FRMD4B: variants seen among roughly 807,000 people sequenced by gnomAD.
FRMD4B encodes the protein FERM domain containing 4B.
FRMD4B carries 74 observed loss-of-function variants against 141.5 expected under a neutral mutation model. That is an observed-to-expected ratio of 0.52 (90% CI 0.43 to 0.63). The LOEUF (loss-of-function observed/expected upper bound fraction) is 0.63. Ranked by LOEUF, FRMD4B falls within the 30% of genes least tolerant of loss-of-function variation. The probability of loss-of-function intolerance (pLI) is 0.00; values close to 1 mark genes in which losing one functional copy is unlikely to be tolerated. For missense variants in FRMD4B, 1,366 were observed against 1,253.4 expected (o/e 1.09, Z -1.36); for synonymous variants, 506 against 467.9 (o/e 1.08, Z -1.05).
At chr3:69,381,872 T>C (rs1489783690) in intron 1 of FRMD4B, among the ~76,000 whole-genome samples, 1 of 152,220 alleles carries the variant, frequency 6.6e-6, no homozygotes, top group Non-Finnish European at 1.5e-5. Context: ...GGCAGCTCTG[T>C]GGTCTGAGTA....
At chr3:69,254,107 T>G (rs536326014) in intron 5 of FRMD4B, among the ~76,000 whole-genome samples, 29 of 148,304 alleles carry the variant, frequency 2.0e-4, no homozygotes, top group African/African-American at 6.7e-4. Flanking sequence ...AACTCACACC[T>G]TTTTTTTTTC....
chr3:69,302,380 T>G lies in FRMD4B; in HGVS notation c.379A>C (p.Lys127Gln). Residue 127 changes from lysine to glutamine, a missense_variant, in exon 4 of 23, where the codon AAG becomes CAG. Coordinates refer to ENST00000398540, the MANE Select transcript of FRMD4B (RefSeq NM_015123.3). ...TGCAAAATGGTTGGGCCTGGTTTCT[T>G]GGGCAAATCGTGGTCAAGAACTCGG... is the stretch of plus-strand genomic sequence containing the variant. ...DHRVLDHDLP[K>Q]KPGPTILHFA... 6.2e-7 allele frequency: 1 copy of G among 1,610,002 alleles called. No homozygotes were observed. The highest frequency in any genetic ancestry group is 8.5e-7 in the Non-Finnish European group (1 of 1,177,456).
chr3:69,212,359 C>CAAAAAAAAAAAAAAAAAAAAA (rs869309749), intron 11 of FRMD4B, among the ~76,000 whole-genome samples: 18 of 25,336 alleles, frequency 7.1e-4, no homozygotes, highest in East Asian at 3.3e-3. Context: ...AACCCCGTCT[C>CAAAAAAAAAAAAAAAAAAAAA]AAAAAAAAAA....
At chr3:69,177,641 T>A (rs760484801) in intron 21 of FRMD4B, among the ~76,000 whole-genome samples, 2 of 152,142 alleles carry the variant, frequency 1.3e-5, no homozygotes, top group Non-Finnish European at 2.9e-5. Context: ...CCAAGTGAGA[T>A]CCTATCCCAA....
intron 1 of FRMD4B, among the ~76,000 whole-genome samples, chr3:69,354,385 G>C (rs2107445702): frequency 6.6e-6 from 1 of 151,898 alleles, no homozygotes; most frequent in East Asian, 1.9e-4. Context: ...TTTGTGACAG[G>C]GTATCATGCT....
At chr3:69,232,571 T>C (rs1313992553) in intron 7 of FRMD4B, among the ~76,000 whole-genome samples, 3 of 152,166 alleles carry the variant, frequency 2.0e-5, no homozygotes, top group Non-Finnish European at 1.5e-5. Context: ...TGACGGAATG[T>C]GCCAACCCCA....
At chr3:69,475,504 A>G (rs539872751) in intron 1 of FRMD4B, among the ~76,000 whole-genome samples, 1 of 151,974 alleles carries the variant, frequency 6.6e-6, no homozygotes, top group South Asian at 2.1e-4. Flanking sequence ...ATGATTTCCA[A>G]TTTCATCCAT....
rs953364078 is a variant in FRMD4B, at chr3:69,533,756, G to C, written c.-129+8450C>G. Among the ~76,000 whole-genome samples, 7 of 152,226 alleles carry C rather than the reference G, an allele frequency of 4.6e-5. No homozygotes were observed. In the East Asian group the frequency reaches 7.7e-4, roughly 17 times the overall value. ...TGCAAATCTTTCAGGCCCAAGCGCA[G>C]TACCATCCCATGCACCCCCTGCTAC... is the stretch of plus-strand genomic sequence containing the variant. On this transcript the variant is annotated intron_variant, in intron 1 of 5. Transcript: ENST00000459638.
chr3:69,254,115 T>C (rs2093478910), intron 5 of FRMD4B, among the ~76,000 whole-genome samples: 1 of 152,092 alleles, frequency 6.6e-6, no homozygotes, highest in Non-Finnish European at 1.5e-5. Flanking sequence ...CCTTTTTTTT[T>C]TCTTTTTTAG....
Position 69,250,274 on chromosome 3 carries a change from G to A in FRMD4B, c.502-175C>T, listed in dbSNP as rs2093454172. On this transcript the variant is annotated intron_variant, in intron 5 of 22. Transcript: ENST00000398540. ...GGAGAGACTCATTGAGGGTTAAGGC[G>A]AAACCACTGTGTGTGCGTGTGTGTG... is the stretch of plus-strand genomic sequence containing the variant. 6.4e-6 allele frequency: 4 copies of A among 626,232 alleles called. No homozygotes were observed. The East Asian group carries it at 1.1e-4, about 17-fold the overall frequency. The allele number at this position is 626,232 out of a possible 1,614,324, so 38.8% of individuals were successfully genotyped here.
chr3:69,492,581 T>C (rs754907068), intron 1 of FRMD4B, among the ~76,000 whole-genome samples: 4 of 152,212 alleles, frequency 2.6e-5, no homozygotes, highest in Non-Finnish European at 4.4e-5. Flanking sequence ...GGGACCTTGC[T>C]ATGTGCATAA....
At chr3:69,432,280 C>T (rs1242203631) in intron 2 of FRMD4B, among the ~76,000 whole-genome samples, 1 of 152,000 alleles carries the variant, frequency 6.6e-6, no homozygotes, top group Non-Finnish European at 1.5e-5. Context: ...TTTATAAATG[C>T]GTGTATAAAT....
At chr3:69,427,724 C>T (rs1472121601) in intron 2 of FRMD4B, among the ~76,000 whole-genome samples, 15 of 129,660 alleles carry the variant, frequency 1.2e-4, no homozygotes, top group African/African-American at 3.8e-4. Context: ...GGCTCCATCT[C>T]GGCTCACTGC....
intron 1 of FRMD4B, among the ~76,000 whole-genome samples, chr3:69,354,859 T>C (rs1703266717): frequency 1.3e-5 from 2 of 152,132 alleles, no homozygotes; most frequent in African/African-American, 2.4e-5. Flanking sequence ...TGGATGCAAA[T>C]AGAAGTCACT....
intron 1 of FRMD4B, among the ~76,000 whole-genome samples, chr3:69,490,877 A>T (rs1706291903): frequency 6.6e-6 from 1 of 152,128 alleles, no homozygotes; most frequent in Admixed American, 6.6e-5. Flanking sequence ...TAATAGGATG[A>T]AAAAGAATGA....
intron 16 of FRMD4B, among the ~76,000 whole-genome samples, 158 bp downstream of exon 16, chr3:69,194,864 G>A (rs1412770450): frequency 1.3e-5 from 2 of 152,134 alleles, no homozygotes; most frequent in Non-Finnish European, 2.9e-5. Context: ...TGACTGGAGT[G>A]GGCATGAAAG....
chr3:69,359,561 A>G (rs1417025470), intron 1 of FRMD4B, among the ~76,000 whole-genome samples: 1 of 152,174 alleles, frequency 6.6e-6, no homozygotes, highest in Non-Finnish European at 1.5e-5. Context: ...AGGAAAAACA[A>G]CCCTGATGGA....
Position 69,354,134 on chromosome 3 carries a change from A to C in FRMD4B, c.162+31694T>G, listed in dbSNP as rs191097409. 3.9e-5 allele frequency among the ~76,000 whole-genome samples: 6 copies of C among 152,338 alleles called. No homozygotes were observed. In the East Asian group the frequency reaches 9.7e-4, roughly 25 times the overall value. On this transcript the variant is annotated intron_variant, in intron 1 of 22. Transcript: ENST00000398540. ...AGAAAGAAACTTAGAATTCCATGGA[A>C]CAACCTTAGTAAAATCAATCAGAGA...
intron 1 of FRMD4B, among the ~76,000 whole-genome samples, chr3:69,469,654 A>G (rs1484794282): frequency 6.6e-6 from 1 of 152,150 alleles, no homozygotes; most frequent in African/African-American, 2.4e-5. Context: ...GCAAGCCCCT[A>G]CTCCACAAGA....
Sources: gnomAD v4.1 joint callset for allele counts (sites outside exome capture counted in the v4.1 genomes callset) on GRCh38, gnomAD v4.1.1 for gene constraint, MANE v1.5 for transcripts, NCBI Gene and HGNC (gene_info 2026-07-23, HGNC 2026-07-21) for gene names.